RORA: variants seen among roughly 807,000 people sequenced by gnomAD.
RORA encodes nuclear receptor ROR-alpha.
A neutral mutation model predicts 69.5 loss-of-function variants in RORA; 7 were observed. That is an observed-to-expected ratio of 0.10 (90% CI 0.06 to 0.19). The LOEUF is 0.19. Among genes scored for constraint, RORA ranks in the 10% least tolerant of loss-of-function variants. The probability of loss-of-function intolerance (pLI) is 1.00; values close to 1 mark genes in which losing one functional copy is unlikely to be tolerated. For synonymous variants in RORA, 261 were observed against 240.8 expected (o/e 1.08, Z -0.78); for missense variants, 457 against 663.0 (o/e 0.69, Z 3.41).
intron 1 of RORA, among the ~76,000 whole-genome samples, chr15:60,743,022 T>TA (rs2071595456): frequency 6.8e-6 from 1 of 148,098 alleles, no homozygotes; most frequent in African/African-American, 2.5e-5. Flanking sequence ...TTCTATTTTT[T>TA]TTTTTTTTTT....
intron 1 of RORA, among the ~76,000 whole-genome samples, chr15:61,044,102 C>T (rs1896913574): frequency 6.6e-6 from 1 of 152,008 alleles, no homozygotes; most frequent in Non-Finnish European, 1.5e-5. Context: ...GGGCATAACA[C>T]TTGGGAAGGA....
intron 1 of RORA, among the ~76,000 whole-genome samples, chr15:60,846,765 G>T (rs2073270649): frequency 6.6e-6 from 1 of 152,194 alleles, no homozygotes; most frequent in African/African-American, 2.4e-5. Flanking sequence ...TGAGTATGTT[G>T]CACAGATTGC....
intron 1 of RORA, among the ~76,000 whole-genome samples, chr15:61,044,973 T>A (rs970550079): frequency 6.6e-6 from 1 of 152,242 alleles, no homozygotes. Flanking sequence ...GCTGCTGTAC[T>A]TGGGGGCACT....
At chr15:60,843,813 C>T (rs1159271138) in intron 1 of RORA, among the ~76,000 whole-genome samples, 1 of 152,116 alleles carries the variant, frequency 6.6e-6, no homozygotes. Flanking sequence ...TTTTGCTTTT[C>T]CTGGGTCTCT....
At position 60,928,458 on chromosome 15, in the gene RORA, T is replaced by G. The variant is rs371881249; in HGVS notation, c.167-249772A>C. Among the ~76,000 whole-genome samples, 25 of 152,296 alleles carry G rather than the reference T, an allele frequency of 1.6e-4. No homozygotes were observed. The East Asian group carries it at 3.7e-3, about 22-fold the overall frequency. ...ACAACAAAAGCATTCGCGCTCAGTATGCCTGCCTTCCCCTTGGAACCTAAT... is the reference window on the plus strand; with the variant it reads ...ACAACAAAAGCATTCGCGCTCAGTAGGCCTGCCTTCCCCTTGGAACCTAAT... On this transcript the variant is annotated intron_variant, in intron 1 of 10. Coordinates refer to ENST00000335670, the MANE Select transcript of RORA (RefSeq NM_134261.3).
At chr15:60,649,769 G>C (rs1014324477) in intron 2 of RORA, among the ~76,000 whole-genome samples, 3 of 152,058 alleles carry the variant, frequency 2.0e-5, no homozygotes, top group African/African-American at 7.2e-5. Context: ...CATGAATATT[G>C]CAATATTAAA....
At chr15:60,538,999 GCACACACA>G (rs57764714) in intron 2 of RORA, among the ~76,000 whole-genome samples, 1 of 149,964 alleles carries the variant, frequency 6.7e-6, no homozygotes, top group Non-Finnish European at 1.5e-5. Flanking sequence ...CCTGCCAAAT[GCACACACA>G]CACACACACA....
chr15:60,557,030 T>C, intron 2 of RORA: 1 of 926,812 alleles, frequency 1.1e-6, no homozygotes, highest in South Asian at 1.6e-5. Flanking sequence ...CAGCAATAAG[T>C]ACCCAAAAAA....
At chr15:61,066,409 G>C (rs987325952) in intron 1 of RORA, among the ~76,000 whole-genome samples, 32 of 145,150 alleles carry the variant, frequency 2.2e-4, no homozygotes, top group Non-Finnish European at 7.6e-5. Flanking sequence ...GGGAAGACAG[G>C]GCATATTCCT....
At chr15:61,037,315 C>G (rs572189920) in intron 1 of RORA, among the ~76,000 whole-genome samples, 2 of 152,154 alleles carry the variant, frequency 1.3e-5, no homozygotes, top group African/African-American at 4.8e-5. Flanking sequence ...AGAGGAAGTA[C>G]GCTGAAGCAG....
At chr15:61,169,370 T>C (rs1454475947) in intron 1 of RORA, among the ~76,000 whole-genome samples, 1 of 150,516 alleles carries the variant, frequency 6.6e-6, no homozygotes, top group Admixed American at 6.6e-5. Flanking sequence ...GGGGTCCCGA[T>C]GATACCTCTC....
chr15:60,946,685 G>A (rs991789710), intron 1 of RORA, among the ~76,000 whole-genome samples: 28 of 152,100 alleles, frequency 1.8e-4, no homozygotes, highest in African/African-American at 4.6e-4. Flanking sequence ...CTGCCCAGCC[G>A]CCACCCCGTC....
At chr15:60,552,319 C>G (rs1269454459) in intron 2 of RORA, among the ~76,000 whole-genome samples, 3 of 152,154 alleles carry the variant, frequency 2.0e-5, no homozygotes, top group Non-Finnish European at 4.4e-5. Flanking sequence ...TAATATTTGT[C>G]CTAGGGTCCA....
At chr15:60,946,637 G>T (rs1019192456) in intron 1 of RORA, among the ~76,000 whole-genome samples, 1 of 152,166 alleles carries the variant, frequency 6.6e-6, no homozygotes, top group African/African-American at 2.4e-5. Flanking sequence ...CCTCCCAGCC[G>T]CCTGCCTTGG....
In RORA at chr15:60,618,872, T is replaced by C. The variant is rs116228620; in HGVS notation, c.196+59785A>G. Among the ~76,000 whole-genome samples the C allele has an allele frequency of 7.5e-3, 1,148 of 152,288 alleles. 13 individuals carry two copies. Among genetic ancestry groups the C allele is most frequent in the African/African-American group, 0.026 (1,092 of 41,556 alleles). Reference sequence around the variant, plus strand: ...TGGGTTTGAAGCTCATGCATTTGTTTTTCCCATCTGCCTTAACACCTCCTT... The same window carrying C: ...TGGGTTTGAAGCTCATGCATTTGTTCTTCCCATCTGCCTTAACACCTCCTT... On this transcript the variant is annotated intron_variant, in intron 2 of 10. Transcript: ENST00000335670.
At chr15:61,121,263 C>T (rs811449) in intron 1 of RORA, among the ~76,000 whole-genome samples, 3 of 151,930 alleles carry the variant, frequency 2.0e-5, no homozygotes, top group Admixed American at 6.6e-5. Flanking sequence ...TCTTGCTCAA[C>T]GGCACAGAGC....
chr15:60,841,170 T>TG, intron 1 of RORA: 1 of 731,598 alleles, frequency 1.4e-6, no homozygotes, highest in Non-Finnish European at 1.7e-6. Flanking sequence ...CTGACACAGC[T>TG]TGGAGAAAGA....
intron 1 of RORA, among the ~76,000 whole-genome samples, chr15:61,014,354 G>A (rs1895206568): frequency 6.6e-6 from 1 of 152,216 alleles, no homozygotes; most frequent in African/African-American, 2.4e-5. Flanking sequence ...TGCGGATGTG[G>A]CTTCCTCATG....
chr15:60,873,336 C>T lies in RORA; in HGVS notation c.167-194650G>A, dbSNP rs28706769. Among the ~76,000 whole-genome samples, 729 of 151,966 alleles carry T rather than the reference C, an allele frequency of 4.8e-3. 7 individuals carry two copies. The highest frequency in any genetic ancestry group is 0.016 in the African/African-American group (670 of 41,414). ...TATCTTAATCATTTAGCCAAATATT[C>T]AGTACAAAGTAGGTTTTTGGAATAA... On this transcript the variant is annotated intron_variant, in intron 1 of 10. Transcript: ENST00000335670.
Sources: allele counts gnomAD v4.1 joint callset (sites outside exome capture counted in the v4.1 genomes callset), GRCh38; gene constraint gnomAD v4.1.1; transcripts MANE v1.5; gene names NCBI Gene and HGNC (gene_info 2026-07-23, HGNC 2026-07-21).